Variants in ABCA13 observed in about 807,000 individuals in gnomAD.
ABCA13 encodes the protein ATP-binding cassette sub-family A member 13.
ABCA13 carries 476 observed loss-of-function variants against 478.7 expected under a neutral mutation model. The observed-to-expected ratio is 0.99, with a 90% CI of 0.92 to 1.07. ABCA13 has a LOEUF of 1.07. Among genes scored for constraint, ABCA13 ranks in the 50% least tolerant of loss-of-function variants. The probability of loss-of-function intolerance (pLI) is 0.00; values close to 1 mark genes in which losing one functional copy is unlikely to be tolerated. For missense variants in ABCA13, 6,060 were observed against 5,910.6 expected (o/e 1.03, Z -0.83); for synonymous variants, 2,252 against 2,158.9 (o/e 1.04, Z -1.20).
chr7:48,351,837 T>C (rs1809051937), intron 30 of ABCA13, among the ~76,000 whole-genome samples: 1 of 152,216 alleles, frequency 6.6e-6, no homozygotes, highest in Non-Finnish European at 1.5e-5. Context: ...CCCAAAGAGA[T>C]GGATTCTGCA....
At chr7:48,563,553 G>A (rs2131276965) in intron 55 of ABCA13, among the ~76,000 whole-genome samples, 1 of 152,246 alleles carries the variant, frequency 6.6e-6, no homozygotes, top group South Asian at 2.1e-4. Context: ...AAAGGAGCCT[G>A]AGACCTTGAC....
intron 56 of ABCA13, among the ~76,000 whole-genome samples, chr7:48,584,215 T>A (rs1788961198): frequency 2.0e-5 from 3 of 152,192 alleles, no homozygotes; most frequent in Admixed American, 1.3e-4. Context: ...CATGCACACA[T>A]ACACACATTT....
intron 58 of ABCA13, among the ~76,000 whole-genome samples, chr7:48,602,750 T>TC (rs34021566): frequency 6.6e-6 from 1 of 152,112 alleles, no homozygotes; most frequent in African/African-American, 2.4e-5. Flanking sequence ...GTTTTTTTTT[T>TC]CCAATTCTGT....
In ABCA13 at chr7:48,221,239, T is replaced by C. The variant is rs747685045; in HGVS notation, c.440-42T>C. The C allele has an allele frequency of 2.1e-5, 21 of 1,021,080 alleles. No homozygotes were observed. The African/African-American group carries it at 2.7e-4, about 13-fold the overall frequency. The allele number at this position is 1,021,080 out of a possible 1,614,324, so 63.3% of individuals were successfully genotyped here. A position where few individuals can be genotyped will look rare whatever the true frequency, so the allele number is the denominator to read the frequency against. Reference sequence around the variant, plus strand: ...TAGGCATTTAGCATGTGCTTTTTCATTGATGATTGAACTAATATCTCTTAA... The same window carrying C: ...TAGGCATTTAGCATGTGCTTTTTCACTGATGATTGAACTAATATCTCTTAA... On this transcript the variant is annotated intron_variant, in intron 4 of 61. Transcript: ENST00000435803.
intron 3 of ABCA13, among the ~76,000 whole-genome samples, chr7:48,213,597 G>C (rs561770004): frequency 2.6e-5 from 4 of 152,134 alleles, no homozygotes; most frequent in African/African-American, 9.7e-5. Context: ...CAGAAATGAA[G>C]TTTACTGCAT....
chr7:48,410,379 A>G, intron 39 of ABCA13, 141 bp from the exon 40 acceptor site: 2 of 994,546 alleles, frequency 2.0e-6, no homozygotes, highest in Non-Finnish European at 3.0e-6. Flanking sequence ...AGTGGCCAGG[A>G]CGCATTTCAA....
In ABCA13 at chr7:48,387,949, T is replaced by C; in HGVS notation, c.11463T>C (p.Phe3821=). ...GTCTGTTCTTCTTCAATGAGAACTTTGACAATAAAGGTTTGTAAGGAGTAG... is the reference window on the plus strand; with the variant it reads ...GTCTGTTCTTCTTCAATGAGAACTTCGACAATAAAGGTTTGTAAGGAGTAG... The part of the protein sequence containing the change: ...SSSLFFFNEN[F]DNKGSSLQNR... Residue 3821 remains phenylalanine, a synonymous_variant, in exon 36 of 62, where the codon TTT becomes TTC. Transcript: ENST00000435803. 1 of 1,608,732 alleles carries C rather than the reference T, an allele frequency of 6.2e-7. No homozygotes were observed. Among genetic ancestry groups the C allele is most frequent in the African/African-American group, 1.3e-5 (1 of 74,670 alleles).
chr7:48,208,713 C>A (rs899440938), intron 3 of ABCA13, among the ~76,000 whole-genome samples: 1 of 151,998 alleles, frequency 6.6e-6, no homozygotes, highest in Non-Finnish European at 1.5e-5. Flanking sequence ...TTGGTGAAGT[C>A]TTTAGGTTTT....
At position 48,239,225 on chromosome 7, in the gene ABCA13, T is replaced by C. The variant is rs184899688; in HGVS notation, c.898-16T>C. 387 of 1,613,410 alleles carry C rather than the reference T, an allele frequency of 2.4e-4. 1 individual carries two copies. Among genetic ancestry groups the C allele is most frequent in the African/African-American group, 1.9e-3 (140 of 75,034 alleles). On this transcript the variant is annotated splice_polypyrimidine_tract_variant and intron_variant, in intron 8 of 61. Transcript: ENST00000435803. Reference sequence around the variant, plus strand: ...AAGGAGCTTTATGTCTAAATATTTTTTCATATTGTTGTCAGATTCCCACAG... The same window carrying C: ...AAGGAGCTTTATGTCTAAATATTTTCTCATATTGTTGTCAGATTCCCACAG...
intron 27 of ABCA13, among the ~76,000 whole-genome samples, chr7:48,326,778 G>A (rs562930690): frequency 6.6e-6 from 1 of 152,288 alleles, no homozygotes; most frequent in Admixed American, 6.5e-5. Flanking sequence ...CTGCCTCAGA[G>A]GAACTGCTTG....
At chr7:48,250,860 C>G (rs1792446747) in intron 15 of ABCA13, among the ~76,000 whole-genome samples, 1 of 152,168 alleles carries the variant, frequency 6.6e-6, no homozygotes, top group Non-Finnish European at 1.5e-5. Context: ...TGCCATGACA[C>G]TGCTCCATCA....
chr7:48,528,900 A>C (rs1470084948), intron 55 of ABCA13, among the ~76,000 whole-genome samples: 12 of 152,172 alleles, frequency 7.9e-5, no homozygotes, highest in African/African-American at 2.9e-4. Context: ...GGCACCCTGC[A>C]CACTCAGAGG....
chr7:48,197,294 C>G (rs535563844), intron 2 of ABCA13, among the ~76,000 whole-genome samples: 10 of 152,266 alleles, frequency 6.6e-5, no homozygotes, highest in African/African-American at 1.7e-4. Flanking sequence ...GGTCACAGAC[C>G]CTGGGGAGAC....
Position 48,198,541 on chromosome 7 carries a change from A to G in ABCA13, c.287+181A>G, listed in dbSNP as rs190785702. Among the ~76,000 whole-genome samples, 556 of 152,398 alleles carry G rather than the reference A, an allele frequency of 3.6e-3. 2 individuals carry two copies. The highest frequency in any genetic ancestry group is 0.013 in the African/African-American group (525 of 41,600). ...TGCCTCCAACTAATGGTTAGCTTCCAGCAGGAGATCTTTCCACTGTCACTT... is the reference window on the plus strand; with the variant it reads ...TGCCTCCAACTAATGGTTAGCTTCCGGCAGGAGATCTTTCCACTGTCACTT... On this transcript the variant is annotated intron_variant, in intron 3 of 61. Transcript: ENST00000435803.
At chr7:48,268,323 A>ATT (rs1317427634) in intron 15 of ABCA13, among the ~76,000 whole-genome samples, 2 of 150,674 alleles carry the variant, frequency 1.3e-5, no homozygotes, top group Non-Finnish European at 3.0e-5. Flanking sequence ...CACCCGGCTA[A>ATT]TTTTTTTGTA....
chr7:48,281,532 T>A, intron 19 of ABCA13, 80 bp downstream of exon 19: 2 of 1,243,982 alleles, frequency 1.6e-6, no homozygotes, highest in Non-Finnish European at 2.3e-6. Flanking sequence ...GATGAGTATA[T>A]TGCACTTGAG....
intron 3 of ABCA13, among the ~76,000 whole-genome samples, chr7:48,207,126 C>T (rs1473847066): frequency 3.9e-5 from 6 of 152,074 alleles, no homozygotes; most frequent in Non-Finnish European, 7.4e-5. Context: ...GCATCCTTGT[C>T]GTTGCAAATG....
At chr7:48,420,731 C>CTT (rs35346221) in intron 41 of ABCA13, among the ~76,000 whole-genome samples, 3,119 of 137,536 alleles carry the variant, frequency 0.023, 118 homozygotes, top group African/African-American at 0.077. Context: ...AGGGCTTGAT[C>CTT]TTTTTTTTTT....
intron 39 of ABCA13, among the ~76,000 whole-genome samples, chr7:48,409,731 C>T (rs537286964): frequency 4.2e-3 from 640 of 152,068 alleles, no homozygotes; most frequent in African/African-American, 0.014. Context: ...TATTCAATTG[C>T]GCTTCCATAA....
Sources: gnomAD v4.1 joint callset for allele counts (sites outside exome capture counted in the v4.1 genomes callset) on GRCh38, gnomAD v4.1.1 for gene constraint, MANE v1.5 for transcripts, NCBI Gene and HGNC (gene_info 2026-07-23, HGNC 2026-07-21) for gene names.